Variants in IGSF6 observed in about 807,000 individuals in gnomAD.
IGSF6 encodes the protein immunoglobulin superfamily member 6, also known as down-regulated by activation (immunoglobulin superfamily).
Under a neutral mutation model 24.7 loss-of-function variants are expected in IGSF6, and 23 were observed. That is an observed-to-expected ratio of 0.93 (90% CI 0.67 to 1.32). IGSF6 has a LOEUF of 1.32. Among genes scored for constraint, IGSF6 ranks in the 40% most tolerant of loss-of-function variants. The pLI is 0.00. For missense variants in IGSF6, 295 were observed against 293.6 expected, an observed-to-expected ratio of 1.00 and a Z score of -0.04; for synonymous variants, 110 against 113.7, an observed-to-expected ratio of 0.97 and a Z score of 0.21.
intron 3 of IGSF6, among the ~76,000 whole-genome samples, chr16:21,643,983 C>G (rs771546441): frequency 2.6e-5 from 4 of 152,158 alleles, no homozygotes; most frequent in Admixed American, 6.5e-5. Context: ...CGCCCTCCAC[C>G]TGCCCACACC....
intron 1 of IGSF6, among the ~76,000 whole-genome samples, chr16:21,647,754 G>A (rs1415062139): frequency 6.6e-6 from 1 of 152,116 alleles, no homozygotes; most frequent in Non-Finnish European, 1.5e-5. Flanking sequence ...TCCCTGTGCA[G>A]GAGGCCTGCA....
intron 1 of IGSF6, among the ~76,000 whole-genome samples, chr16:21,648,630 T>C (rs569095291): frequency 6.6e-6 from 1 of 152,318 alleles, no homozygotes; most frequent in East Asian, 1.9e-4. Context: ...CCCAGGCATG[T>C]GAAGCTGGAA....
At position 21,641,663 on chromosome 16, in the gene IGSF6, A is replaced by T. The variant is rs899977279; in HGVS notation, c.667-70T>A. 105 of 935,546 alleles carry T rather than the reference A, an allele frequency of 1.1e-4. No homozygotes were observed. In the Admixed American group the frequency reaches 2.0e-3, roughly 18 times the overall value. 58.0% of individuals were successfully genotyped at this position (935,546 alleles called of 1,614,324 possible). Reference sequence around the variant, plus strand: ...CCAATGAAGCCAACTGCCAAGGAACATGCAAACCACTGGGCCATCTTGGAT... The same window carrying T: ...CCAATGAAGCCAACTGCCAAGGAACTTGCAAACCACTGGGCCATCTTGGAT... On this transcript the variant is annotated intron_variant, in intron 5 of 5. Transcript: ENST00000268389.
chr16:21,643,826 C>G (rs1444851609), intron 3 of IGSF6, among the ~76,000 whole-genome samples: 1 of 150,548 alleles, frequency 6.6e-6, no homozygotes, highest in Non-Finnish European at 1.5e-5. Flanking sequence ...GTATACATCT[C>G]CCTTCTTATA....
Position 21,647,182 on chromosome 16 carries a change from C to T in IGSF6, c.378G>A (p.Pro126=), listed in dbSNP as rs576841517. Residue 126 remains proline, a synonymous_variant, in exon 2 of 6, where the codon CCG becomes CCA. Transcript: ENST00000268389. ...YICGIAFPSV[P]EARAKQTGGG... ...CTCCTGTCTGTTTAGCTCTCGCTTC[C>T]GGCACACTGGGGAATGCTATTCCAC... 1.9e-5 allele frequency: 31 copies of T among 1,614,126 alleles called. No individual in the cohort carries two copies. Among genetic ancestry groups the T allele is most frequent in the South Asian group, 1.6e-4 (15 of 91,078 alleles).
intron 1 of IGSF6, among the ~76,000 whole-genome samples, chr16:21,647,825 C>T (rs1220622339): frequency 6.6e-6 from 1 of 152,132 alleles, no homozygotes; most frequent in South Asian, 2.1e-4. Flanking sequence ...TTGCTCCTTA[C>T]AAGCTTTCCT....
rs1422266607 is a variant in IGSF6, at chr16:21,641,578, T to C, written c.682A>G (p.Thr228Ala). The change falls in exon 6 of 6, where the codon ACT (threonine) becomes GCT (alanine). Residue 228 changes from threonine to alanine, a missense_variant. Physicochemically the swap from Thr to Ala is moderately conservative, Grantham distance 58. Transcript: ENST00000268389. ...TNQQSEKDNN[T>A]YENRRVLSNY... ...GAAAGTACTCTTCTGTTTTCATAAG[T>C]GTTGTTATCTTTCTCCTGCAATAAT... The C allele has an allele frequency of 1.3e-6, 2 of 1,585,438 alleles. 1 individual carries two copies. The highest frequency in any genetic ancestry group is 2.2e-5 in the South Asian group (2 of 89,452).
chr16:21,642,791 T>C (rs1966307711), intron 5 of IGSF6, among the ~76,000 whole-genome samples: 1 of 152,244 alleles, frequency 6.6e-6, no homozygotes, highest in African/African-American at 2.4e-5. Flanking sequence ...ATCTATCCTT[T>C]TAAAGCATCA....
intron 1 of IGSF6, among the ~76,000 whole-genome samples, chr16:21,651,226 C>A (rs971983674): frequency 2.0e-5 from 3 of 151,864 alleles, no homozygotes; most frequent in African/African-American, 7.3e-5. Context: ...CCGTCTCAAA[C>A]AAACAAAAAA....
chr16:21,643,630 A>G, intron 3 of IGSF6, 32 bp from the exon 4 acceptor site: 1 of 1,472,028 alleles, frequency 6.8e-7, no homozygotes, highest in Non-Finnish European at 9.5e-7. Context: ...TCTATGAAAC[A>G]TTTTATGTAC....
intron 1 of IGSF6, among the ~76,000 whole-genome samples, chr16:21,650,962 G>A (rs958111381): frequency 6.6e-6 from 1 of 152,220 alleles, no homozygotes; most frequent in African/African-American, 2.4e-5. Context: ...GGTGGCTCAT[G>A]CCTGTAATCC....
In IGSF6 at chr16:21,641,432, T is replaced by G; in HGVS notation, c.*102A>C. On this transcript the variant is annotated 3_prime_UTR_variant, in exon 6 of 6. Transcript: ENST00000268389. ...CTTTGTAGCCAGTTGTCTTTTCAGT[T>G]TACCTTTATTTTTTTTTAAGACCTG... 1.8e-6 allele frequency: 1 copy of G among 559,766 alleles called. No individual in the cohort carries two copies. The highest frequency in any genetic ancestry group is 3.1e-6 in the Non-Finnish European group (1 of 323,380). 34.7% of individuals were successfully genotyped at this position (559,766 alleles called of 1,614,324 possible).
chr16:21,642,967 G>A (rs1340663965), intron 5 of IGSF6, 107 bp downstream of exon 5: 2 of 685,302 alleles, frequency 2.9e-6, no homozygotes, highest in Non-Finnish European at 5.1e-6. Flanking sequence ...TTCTCTTTCA[G>A]ACTCTTCTGA....
intron 2 of IGSF6, 54 bp downstream of exon 2, chr16:21,647,079 T>C: frequency 6.2e-7 from 1 of 1,612,428 alleles, no homozygotes; most frequent in Non-Finnish European, 8.5e-7. Flanking sequence ...GTAATGATTT[T>C]ACAGGCCTGA....
rs1392741870 is a variant in IGSF6, at chr16:21,647,196, A to G, written c.364T>C (p.Phe122Leu). 1.9e-6 allele frequency: 3 copies of G among 1,614,092 alleles called. No individual in the cohort carries two copies. The highest frequency in any genetic ancestry group is 2.2e-5 in the South Asian group (2 of 91,080). Residue 122 changes from phenylalanine (F) to leucine (L), a missense_variant, in exon 2 of 6, where the codon TTC becomes CTC. Phe to Leu is a conservative substitution (Grantham distance 22, BLOSUM62 0). Coordinates refer to ENST00000268389, the MANE Select transcript of IGSF6 (RefSeq NM_005849.4). The part of the protein sequence containing the change: ...DSAIYICGIA[F>L]PSVPEARAKQ... Reference sequence around the variant, plus strand: ...GCTCTCGCTTCCGGCACACTGGGGAATGCTATTCCACAGATGTAAATTGCA... The same window carrying G: ...GCTCTCGCTTCCGGCACACTGGGGAGTGCTATTCCACAGATGTAAATTGCA...
At chr16:21,652,068 A>C (rs560492716) in intron 1 of IGSF6, 1 of 152,240 alleles carries the variant, frequency 6.6e-6, no homozygotes, top group Non-Finnish European at 1.5e-5. Context: ...AGATAAAAAA[A>C]CAGAAGTAGA....
At position 21,640,094 on chromosome 16, in the gene IGSF6, A is replaced by C. The variant is rs1016660910; in HGVS notation, c.*1440T>G. ...CTGGGATTACAGGTGTGTGCCACCA[A>C]ACCCCGCTAAATTTTTTTGTATTTT... On this transcript the variant is annotated 3_prime_UTR_variant, in exon 6 of 6. Transcript: ENST00000268389. The C allele has an allele frequency of 2.0e-5, 3 of 151,228 alleles. No individual in the cohort carries two copies. Among genetic ancestry groups the C allele is most frequent in the Non-Finnish European group, 4.4e-5 (3 of 67,794 alleles). The allele number at this position is 151,228 out of a possible 1,614,324, so 9.4% of individuals were successfully genotyped here.
intron 1 of IGSF6, among the ~76,000 whole-genome samples, chr16:21,648,591 G>A (rs1234817857): frequency 6.6e-6 from 1 of 152,202 alleles, no homozygotes; most frequent in Admixed American, 6.5e-5. Context: ...AAGTTATGAG[G>A]ATTGAGTCCC....
At chr16:21,646,815 G>A (rs950813022) in intron 2 of IGSF6, 4 of 355,298 alleles carry the variant, frequency 1.1e-5, no homozygotes, top group South Asian at 4.5e-5. Flanking sequence ...GCCACCATGC[G>A]CGGCTAATTT....
Sources: gnomAD v4.1 joint callset for allele counts (sites outside exome capture counted in the v4.1 genomes callset) on GRCh38, gnomAD v4.1.1 for gene constraint, MANE v1.5 for transcripts, NCBI Gene and HGNC (gene_info 2026-07-23, HGNC 2026-07-21) for gene names.